Variants in SHISA6 observed in about 807,000 individuals in gnomAD.
SHISA6 encodes the protein protein shisa-6.
Under a neutral mutation model 47.9 loss-of-function variants are expected in SHISA6, and 22 were observed. The observed-to-expected ratio is 0.46, with a 90% CI of 0.33 to 0.66. The LOEUF is 0.66. Among genes scored for constraint, SHISA6 ranks in the 30% least tolerant of loss-of-function variants. The pLI, the probability that SHISA6 is intolerant of heterozygous loss-of-function variation, is 0.02. For synonymous variants in SHISA6, 388 were observed against 337.8 expected (o/e 1.15, Z -1.63); for missense variants, 680 against 764.6 (o/e 0.89, Z 1.30).
chr17:11,319,346 C>T (rs9893522), intron 2 of SHISA6, among the ~76,000 whole-genome samples: 112,019 of 152,128 alleles, frequency 0.74, 41,402 homozygotes, highest in Middle Eastern at 0.77. Context: ...TCCAAAGTGC[C>T]GGGATTATGG....
chr17:11,330,479 G>T (rs1432828030), intron 2 of SHISA6, among the ~76,000 whole-genome samples: 1 of 88,902 alleles, frequency 1.1e-5, no homozygotes, highest in African/African-American at 3.8e-5. Flanking sequence ...AATTCTGAGA[G>T]TAATGCTAGG....
At chr17:11,367,445 G>A (rs1912491923) in intron 2 of SHISA6, among the ~76,000 whole-genome samples, 1 of 152,152 alleles carries the variant, frequency 6.6e-6, no homozygotes, top group Admixed American at 6.5e-5. Context: ...ACAGAGAACA[G>A]GGAACACTGG....
At chr17:11,298,227 A>C (rs747581036) in intron 2 of SHISA6, among the ~76,000 whole-genome samples, 1 of 152,212 alleles carries the variant, frequency 6.6e-6, no homozygotes, top group Non-Finnish European at 1.5e-5. Context: ...TCCAGCATCT[A>C]TGTACTTTAC....
intron 2 of SHISA6, among the ~76,000 whole-genome samples, chr17:11,337,248 C>T (rs1911354061): frequency 6.6e-6 from 1 of 152,082 alleles, no homozygotes; most frequent in Non-Finnish European, 1.5e-5. Flanking sequence ...GAGGAAAAGC[C>T]AGTCGTGCGA....
intron 2 of SHISA6, among the ~76,000 whole-genome samples, chr17:11,372,349 A>T (rs528437022): frequency 7.2e-5 from 11 of 152,100 alleles, no homozygotes; most frequent in Non-Finnish European, 1.0e-4. Flanking sequence ...ACTGATTTTC[A>T]CTCCCACCAG....
intron 1 of SHISA6, among the ~76,000 whole-genome samples, chr17:11,244,852 CAG>C (rs957945063): frequency 5.9e-5 from 9 of 152,122 alleles, no homozygotes; most frequent in African/African-American, 1.4e-4. Context: ...GGTGGGCAGA[CAG>C]GGGCTGAGTC....
chr17:11,395,506 A>G (rs1913538972), intron 3 of SHISA6, among the ~76,000 whole-genome samples: 1 of 144,788 alleles, frequency 6.9e-6, no homozygotes, highest in Non-Finnish European at 1.5e-5. Flanking sequence ...AAATACAGGC[A>G]GTTTTACTTT....
chr17:11,315,442 A>G (rs1555527845), intron 2 of SHISA6, among the ~76,000 whole-genome samples: 1 of 151,854 alleles, frequency 6.6e-6, no homozygotes, highest in Non-Finnish European at 1.5e-5. Flanking sequence ...TTCTTATTAC[A>G]TTGATTCCGA....
At chr17:11,557,305 C>G (rs925620244) in intron 5 of SHISA6, among the ~76,000 whole-genome samples, 1 of 152,216 alleles carries the variant, frequency 6.6e-6, no homozygotes, top group Non-Finnish European at 1.5e-5. Flanking sequence ...TTTAGTAAGA[C>G]AGATAGTCAT....
intron 3 of SHISA6, among the ~76,000 whole-genome samples, chr17:11,482,693 G>GCA (rs1916251225): frequency 6.6e-6 from 1 of 152,150 alleles, no homozygotes; most frequent in African/African-American, 2.4e-5. Flanking sequence ...GCAAAAGAAA[G>GCA]CACAATGTAA....
intron 2 of SHISA6, among the ~76,000 whole-genome samples, chr17:11,345,629 G>C (rs1442639678): frequency 1.3e-5 from 2 of 151,986 alleles, no homozygotes; most frequent in Non-Finnish European, 2.9e-5. Flanking sequence ...CATTTATTTA[G>C]ATCTTCTTTA....
chr17:11,547,445 A>G (rs893585482), intron 3 of SHISA6, among the ~76,000 whole-genome samples: 4 of 152,224 alleles, frequency 2.6e-5, no homozygotes, highest in African/African-American at 9.6e-5. Context: ...TTTGAATTTT[A>G]ACACTCTACT....
chr17:11,481,790 C>T (rs1254413474), intron 3 of SHISA6, among the ~76,000 whole-genome samples: 1 of 151,838 alleles, frequency 6.6e-6, no homozygotes, highest in Non-Finnish European at 1.5e-5. Flanking sequence ...CACGCCTGGC[C>T]CCTGAAGATA....
intron 3 of SHISA6, among the ~76,000 whole-genome samples, chr17:11,407,494 T>G (rs35170935): frequency 3.2e-5 from 1 of 31,556 alleles, no homozygotes; most frequent in Non-Finnish European, 8.1e-5. Context: ...TAGCATATTG[T>G]TTTTTTTTTC....
intron 2 of SHISA6, among the ~76,000 whole-genome samples, chr17:11,295,048 G>A (rs751551739): frequency 6.6e-5 from 10 of 152,144 alleles, no homozygotes; most frequent in Non-Finnish European, 1.0e-4. Flanking sequence ...GCAGGTATCC[G>A]GTACAGTGTG....
At chr17:11,280,531 A>G (rs982329061) in intron 2 of SHISA6, among the ~76,000 whole-genome samples, 2 of 152,228 alleles carry the variant, frequency 1.3e-5, no homozygotes, top group Non-Finnish European at 2.9e-5. Context: ...AAATAGGAGC[A>G]TGCTGAAAGT....
intron 3 of SHISA6, among the ~76,000 whole-genome samples, chr17:11,462,004 A>G (rs1024766719): frequency 2.0e-5 from 3 of 152,218 alleles, no homozygotes; most frequent in Non-Finnish European, 4.4e-5. Context: ...TTTTGTGTTG[A>G]TATTGGTGGA....
intron 3 of SHISA6, among the ~76,000 whole-genome samples, chr17:11,482,946 A>G (rs553076561): frequency 6.6e-6 from 1 of 152,328 alleles, no homozygotes; most frequent in Admixed American, 6.5e-5. Flanking sequence ...AAAAAACAAA[A>G]CAAAACATGG....
In SHISA6 at chr17:11,263,515, A is replaced by G. The variant is rs898688469; in HGVS notation, c.788A>G (p.Lys263Arg). Residue 263 changes from lysine to arginine, a missense_variant, in exon 2 of 6, where the codon AAG becomes AGG. By Grantham distance (26) the Lys-to-Arg change is conservative. This residue lies in a region of SHISA6 where 559 missense variants were observed against 674.1 expected (regional missense o/e 0.83). Transcript: ENST00000441885. The part of the protein sequence containing the change: ...KNHYTPVRTA[K>R]QTPGHYGKDA... ...CACTACACTCCTGTGCGTACGGCCAAGCAGACTCCAGGTAAGTAACAGCTG... is the reference window on the plus strand; with the variant it reads ...CACTACACTCCTGTGCGTACGGCCAGGCAGACTCCAGGTAAGTAACAGCTG... The G allele has an allele frequency of 1.3e-6, 2 of 1,551,722 alleles. No homozygotes were observed. Among genetic ancestry groups the G allele is most frequent in the East Asian group, 2.4e-5 (1 of 40,908 alleles).
Sources: gnomAD v4.1 joint callset for allele counts (sites outside exome capture counted in the v4.1 genomes callset) on GRCh38, gnomAD v4.1.1 for gene constraint, gnomAD v4.1.1 regional missense constraint, MANE v1.5 for transcripts, NCBI Gene and HGNC (gene_info 2026-07-23, HGNC 2026-07-21) for gene names.